Variants in AACS observed in about 807,000 individuals in gnomAD.
AACS encodes acetoacetate-CoA ligase.
A neutral mutation model predicts 83.1 loss-of-function variants in AACS; 69 were observed. The ratio of observed to expected loss-of-function variants is 0.83; its 90% CI spans 0.68 to 1.01. AACS has a LOEUF of 1.01. Among genes scored for constraint, AACS ranks in the 50% least tolerant of loss-of-function variants. The pLI, the probability that AACS is intolerant of heterozygous loss-of-function variation, is 0.00. For synonymous variants in AACS, 333 were observed against 343.4 expected (o/e 0.97, Z 0.33); for missense variants, 866 against 882.2 (o/e 0.98, Z 0.23).
At chr12:125,112,477 G>A (rs935762977) in intron 8 of AACS, among the ~76,000 whole-genome samples, 4 of 151,958 alleles carry the variant, frequency 2.6e-5, no homozygotes, top group Non-Finnish European at 4.4e-5. Context: ...TAAAGAGATC[G>A]AGACCAGCCT....
chr12:125,119,500 G>C (rs1957117032), intron 10 of AACS, among the ~76,000 whole-genome samples: 1 of 152,210 alleles, frequency 6.6e-6, no homozygotes, highest in Non-Finnish European at 1.5e-5. Flanking sequence ...ACATGACTGG[G>C]GAGGCCTCAC....
At chr12:125,105,584 C>T (rs1293180319) in intron 7 of AACS, 1 of 152,204 alleles carries the variant, frequency 6.6e-6, no homozygotes, top group Non-Finnish European at 1.5e-5. Flanking sequence ...TATTCATCAG[C>T]AGTTGATATA....
intron 9 of AACS, among the ~76,000 whole-genome samples, chr12:125,116,643 T>A (rs1592990927): frequency 1.3e-5 from 2 of 152,096 alleles, no homozygotes; most frequent in South Asian, 4.2e-4. Flanking sequence ...TTTTTTGTAT[T>A]TTTAGTAGAG....
chr12:125,077,995 C>T, intron 3 of AACS: 1 of 386,422 alleles, frequency 2.6e-6, no homozygotes, highest in Non-Finnish European at 5.2e-6. Flanking sequence ...CAGGCGTGAG[C>T]CACCATGCCC....
intron 12 of AACS, chr12:125,127,455 T>C (rs895068580): frequency 6.6e-6 from 1 of 152,244 alleles, no homozygotes; most frequent in Admixed American, 6.5e-5. Flanking sequence ...GTTTGTTTGT[T>C]TGTTTTGACA....
intron 5 of AACS, among the ~76,000 whole-genome samples, chr12:125,099,635 A>G (rs1165637498): frequency 6.6e-6 from 1 of 152,204 alleles, no homozygotes; most frequent in African/African-American, 2.4e-5. Context: ...GCAGCACCTG[A>G]CACAGAGTAA....
intron 14 of AACS, among the ~76,000 whole-genome samples, chr12:125,133,451 G>A (rs867941359): frequency 6.6e-6 from 1 of 152,102 alleles, no homozygotes; most frequent in Non-Finnish European, 1.5e-5. Flanking sequence ...CCTCTTCCCC[G>A]TCTCCTCATC....
chr12:125,102,924 A>C, intron 6 of AACS, 76 bp from the exon 7 acceptor site: 1 of 1,476,402 alleles, frequency 6.8e-7, no homozygotes, highest in Admixed American at 2.0e-5. Flanking sequence ...ATTGTGTTAT[A>C]TTTTGTGGAA....
chr12:125,090,226 T>TC (rs1565932119), intron 4 of AACS, among the ~76,000 whole-genome samples: 207 of 16,764 alleles, frequency 0.012, 81 homozygotes, highest in Middle Eastern at 0.028. Flanking sequence ...TATCCATCCA[T>TC]TTATTATGCT....
At chr12:125,093,326 G>T (rs1030376310) in intron 5 of AACS, among the ~76,000 whole-genome samples, 2 of 152,202 alleles carry the variant, frequency 1.3e-5, no homozygotes, top group Non-Finnish European at 2.9e-5. Flanking sequence ...TCTGAGGCCA[G>T]GGGGTGGAGA....
At chr12:125,138,057 G>C (rs538393213) in intron 17 of AACS, among the ~76,000 whole-genome samples, 2 of 152,350 alleles carry the variant, frequency 1.3e-5, no homozygotes, top group East Asian at 1.9e-4. Flanking sequence ...GTCCAGGAGT[G>C]GGGGCTGGGG....
chr12:125,069,315 G>A (rs1955794907), intron 1 of AACS, among the ~76,000 whole-genome samples: 1 of 152,220 alleles, frequency 6.6e-6, no homozygotes, highest in Non-Finnish European at 1.5e-5. Flanking sequence ...GCAGGCTTCA[G>A]GGAGGAAGGC....
intron 16 of AACS, among the ~76,000 whole-genome samples, chr12:125,135,188 G>A (rs751372372): frequency 4.6e-5 from 7 of 151,120 alleles, no homozygotes; most frequent in South Asian, 2.1e-4. Context: ...AGGCTGGAGC[G>A]CGATCTTGGC....
chr12:125,107,226 G>A lies in AACS; in HGVS notation c.873G>A (p.Ser291=), dbSNP rs144530233. Residue 291 remains serine (S), a synonymous_variant, in exon 8 of 18, where the codon TCG becomes TCA. Coordinates refer to ENST00000316519, the MANE Select transcript of AACS (RefSeq NM_023928.5). The part of the protein sequence containing the change: ...FSHPLFIMFS[S]GTTGAPKCMV... Reference sequence around the variant, plus strand: ...ACCCACTGTTCATCATGTTCTCATCGGGCACCACGGGCGCACCCAAGTGCA... The same window carrying A: ...ACCCACTGTTCATCATGTTCTCATCAGGCACCACGGGCGCACCCAAGTGCA... The A allele has an allele frequency of 9.6e-5, 155 of 1,613,972 alleles. No homozygotes were observed. The African/African-American group carries it at 1.4e-3, about 14-fold the overall frequency.
Position 125,136,711 on chromosome 12 carries a change from C to T in AACS, c.1728C>T (p.Asn576=). The change falls in exon 17 of 18, where the codon AAC becomes AAT. Residue 576 remains asparagine (N), a synonymous_variant. Coordinates refer to ENST00000316519, the MANE Select transcript of AACS (RefSeq NM_023928.5). ...ACAGCCTGTGTGTCCCCCAGTATAA[C>T]AAGTACAGGGAGGAGAGGGTGATCC... ...VEDSLCVPQY[N]KYREERVILF... is the part of the protein sequence containing the mutation. 1 of 1,614,132 alleles carries T rather than the reference C, an allele frequency of 6.2e-7. No homozygotes were observed. Among genetic ancestry groups the T allele is most frequent in the Non-Finnish European group, 8.5e-7 (1 of 1,180,020 alleles).
intron 3 of AACS, among the ~76,000 whole-genome samples, chr12:125,080,722 A>G (rs1224583023): frequency 1.3e-5 from 2 of 151,868 alleles, no homozygotes; most frequent in Non-Finnish European, 1.5e-5. Context: ...GACAGAGTCT[A>G]GCTCTGTCCC....
In AACS at chr12:125,067,591, C is replaced by T. The variant is rs774091743; in HGVS notation, c.133+1874C>T. On this transcript the variant is annotated intron_variant, in intron 1 of 17. Transcript: ENST00000316519. Reference sequence around the variant, plus strand: ...TTTTCTCCCCCAGGCTGGAGTGCGACGGCGCAATCTCGGCTCATTGCAACC... The same window carrying T: ...TTTTCTCCCCCAGGCTGGAGTGCGATGGCGCAATCTCGGCTCATTGCAACC... 5.9e-5 allele frequency among the ~76,000 whole-genome samples: 9 copies of T among 151,790 alleles called. No individual in the cohort carries two copies. The South Asian group carries it at 6.2e-4, about 11-fold the overall frequency.
chr12:125,141,075 C>T (rs1957481012), intron 17 of AACS: 1 of 152,208 alleles, frequency 6.6e-6, no homozygotes, highest in Non-Finnish European at 1.5e-5. Flanking sequence ...GTGCTGGCAC[C>T]CCTACTTTCA....
intron 5 of AACS, among the ~76,000 whole-genome samples, chr12:125,095,652 C>T (rs10846828): frequency 0.41 from 61,794 of 152,012 alleles, 12,863 homozygotes; most frequent in Non-Finnish European, 0.45. Context: ...TCCCGCCTAC[C>T]CTGTGGGACC....
Sources: gnomAD v4.1 joint callset for allele counts (sites outside exome capture counted in the v4.1 genomes callset) on GRCh38, gnomAD v4.1.1 for gene constraint, MANE v1.5 for transcripts, NCBI Gene and HGNC (gene_info 2026-07-23, HGNC 2026-07-21) for gene names.